Variants in GMDS observed in about 807,000 individuals in gnomAD.
The protein encoded by GMDS is GDP-mannose 4,6 dehydratase.
GMDS carries 20 observed loss-of-function variants against 49.9 expected under a neutral mutation model. That is an observed-to-expected ratio of 0.40 (90% CI 0.28 to 0.58). The LOEUF is 0.58. Among genes scored for constraint, GMDS ranks in the 20% least tolerant of loss-of-function variants. GMDS has a pLI of 0.42. For synonymous variants in GMDS, 177 were observed against 178.6 expected (o/e 0.99, Z 0.07); for missense variants, 362 against 481.4 (o/e 0.75, Z 2.32).
intron 4 of GMDS, among the ~76,000 whole-genome samples, chr6:2,039,807 C>T (rs1330575908): frequency 6.6e-6 from 1 of 152,206 alleles, no homozygotes; most frequent in African/African-American, 2.4e-5. Context: ...TTATAGTTAA[C>T]TTTTAATATA....
At chr6:2,043,940 T>G (rs2127430391) in intron 4 of GMDS, among the ~76,000 whole-genome samples, 1 of 151,938 alleles carries the variant, frequency 6.6e-6, no homozygotes. Context: ...AAGACATACG[T>G]GTGGCCAACA....
chr6:1,765,866 C>A (rs1216989546), intron 7 of GMDS, among the ~76,000 whole-genome samples: 1 of 152,150 alleles, frequency 6.6e-6, no homozygotes, highest in East Asian at 1.9e-4. Flanking sequence ...AATAGCAGAA[C>A]AAACGCAAAG....
chr6:1,715,896 C>G (rs1198533869), intron 9 of GMDS, among the ~76,000 whole-genome samples: 1 of 152,210 alleles, frequency 6.6e-6, no homozygotes, highest in Non-Finnish European at 1.5e-5. Context: ...TTATTAACTT[C>G]AATACCTTAG....
At chr6:1,958,276 CACA>C (rs1371394713) in intron 6 of GMDS, among the ~76,000 whole-genome samples, 1 of 151,932 alleles carries the variant, frequency 6.6e-6, no homozygotes, top group Non-Finnish European at 1.5e-5. Context: ...TGACCTGATT[CACA>C]ACAATTAACT....
At chr6:1,995,867 C>T (rs1355832880) in intron 4 of GMDS, among the ~76,000 whole-genome samples, 1 of 133,860 alleles carries the variant, frequency 7.5e-6, no homozygotes, top group East Asian at 2.1e-4. Context: ...GTTACATTTC[C>T]TTCTTTTTGG....
rs928349065 is a variant in GMDS at position 2,134,081 on chromosome 6, A to G, written c.103-9350T>C. ...GAGGAATCACATATTAAAAGTCCCAAAGTCTGTGCCTCCTTCATGCTTGTG... is the reference window on the plus strand; with the variant it reads ...GAGGAATCACATATTAAAAGTCCCAGAGTCTGTGCCTCCTTCATGCTTGTG... On this transcript the variant is annotated intron_variant, in intron 1 of 10. Transcript: ENST00000380815. Among the ~76,000 whole-genome samples, 8 of 152,148 alleles carry G rather than the reference A, an allele frequency of 5.3e-5. No individual in the cohort carries two copies. The East Asian group carries it at 1.5e-3, about 29-fold the overall frequency.
intron 1 of GMDS, among the ~76,000 whole-genome samples, chr6:2,133,913 G>T (rs750610257): frequency 6.6e-6 from 1 of 152,146 alleles, no homozygotes; most frequent in Non-Finnish European, 1.5e-5. Context: ...ATTTCACCGG[G>T]GTGTGGTGAC....
chr6:1,894,836 A>T (rs1760068533), intron 7 of GMDS, among the ~76,000 whole-genome samples: 1 of 152,236 alleles, frequency 6.6e-6, no homozygotes, highest in African/African-American at 2.4e-5. Context: ...AGACACTAAG[A>T]TTAAAGCAAC....
chr6:1,756,079 C>A (rs2179548), intron 7 of GMDS, among the ~76,000 whole-genome samples: 149,340 of 152,350 alleles, frequency 0.98, 73,211 homozygotes, highest in East Asian at 1. Flanking sequence ...CAACAACCCC[C>A]TCCAAAAGTG....
chr6:2,168,094 C>T (rs1336569160), intron 1 of GMDS, among the ~76,000 whole-genome samples: 1 of 152,158 alleles, frequency 6.6e-6, no homozygotes, highest in Non-Finnish European at 1.5e-5. Context: ...ATTTCATGCC[C>T]CTACACTGAG....
At chr6:1,877,367 T>C (rs980686671) in intron 7 of GMDS, among the ~76,000 whole-genome samples, 2 of 152,132 alleles carry the variant, frequency 1.3e-5, no homozygotes, top group Non-Finnish European at 2.9e-5. Flanking sequence ...CAGCAGAGCA[T>C]GGTGGCTCAC....
intron 1 of GMDS, among the ~76,000 whole-genome samples, chr6:2,185,347 C>CT (rs1487848166): frequency 6.6e-6 from 1 of 152,218 alleles, no homozygotes; most frequent in African/African-American, 2.4e-5. Flanking sequence ...GTACTTCTGA[C>CT]TCTCATGTAC....
rs72841949 is a variant in GMDS at position 1,839,672 on chromosome 6, A to G, written c.771+90431T>C. ...ATGTACTATTCCAACTGATGTTGTA[A>G]TTTTCACCCTGGAAGTGGAAATAAA... On this transcript the variant is annotated intron_variant, in intron 7 of 10. Transcript: ENST00000380815. Among the ~76,000 whole-genome samples the G allele has an allele frequency of 9.8e-3, 1,495 of 152,222 alleles. 13 individuals carry two copies. The highest frequency in any genetic ancestry group is 0.017 in the South Asian group (81 of 4,824).
intron 7 of GMDS, among the ~76,000 whole-genome samples, chr6:1,754,646 C>A (rs996865133): frequency 6.6e-6 from 1 of 152,158 alleles, no homozygotes; most frequent in African/African-American, 2.4e-5. Flanking sequence ...CCTGGCAAAC[C>A]AAATCCAGTA....
intron 7 of GMDS, among the ~76,000 whole-genome samples, chr6:1,853,359 A>G (rs2113770309): frequency 6.6e-6 from 1 of 150,794 alleles, no homozygotes; most frequent in Admixed American, 6.6e-5. Flanking sequence ...TCTACTAAAA[A>G]TACAAAAAAT....
At chr6:1,881,547 T>C (rs934296385) in intron 7 of GMDS, among the ~76,000 whole-genome samples, 1 of 152,200 alleles carries the variant, frequency 6.6e-6, no homozygotes, top group Admixed American at 6.5e-5. Flanking sequence ...GTAGTCAAAA[T>C]AAGTGAATCT....
intron 7 of GMDS, 56 bp from the exon 8 acceptor site, chr6:1,742,642 G>A: frequency 1.1e-6 from 1 of 885,680 alleles, no homozygotes; most frequent in East Asian, 2.4e-5. Context: ...GCCACACATT[G>A]TTTTCCAGTG....
At chr6:1,871,931 C>G (rs1028185905) in intron 7 of GMDS, among the ~76,000 whole-genome samples, 1 of 152,230 alleles carries the variant, frequency 6.6e-6, no homozygotes, top group Non-Finnish European at 1.5e-5. Context: ...CTGGCACTAT[C>G]CTCTTTCTGT....
At chr6:2,101,368 A>T (rs1773915615) in intron 4 of GMDS, among the ~76,000 whole-genome samples, 1 of 152,036 alleles carries the variant, frequency 6.6e-6, no homozygotes, top group Admixed American at 6.6e-5. Flanking sequence ...AAAGCTTTTC[A>T]GAAGAAAAAA....
Sources: gnomAD v4.1 joint callset for allele counts (sites outside exome capture counted in the v4.1 genomes callset) on GRCh38, gnomAD v4.1.1 for gene constraint, MANE v1.5 for transcripts, NCBI Gene and HGNC (gene_info 2026-07-23, HGNC 2026-07-21) for gene names.